The following EPB41L2 variants were observed in gnomAD, a reference collection of about 807,000 sequenced individuals.
The protein encoded by EPB41L2 is erythrocyte membrane protein band 4.1 like 2.
EPB41L2 carries 43 observed loss-of-function variants against 113.0 expected under a neutral mutation model. The observed-to-expected ratio is 0.38, with a 90% CI of 0.30 to 0.49. EPB41L2 has a LOEUF of 0.49. Among genes scored for constraint, EPB41L2 ranks in the 20% least tolerant of loss-of-function variants. EPB41L2 has a pLI of 0.95. For synonymous variants in EPB41L2, 442 were observed against 436.7 expected (o/e 1.01, Z -0.15); for missense variants, 1,147 against 1,223.4 (o/e 0.94, Z 0.93).
chr6:130,893,667 T>C (rs1793681237), intron 10 of EPB41L2, among the ~76,000 whole-genome samples: 1 of 152,234 alleles, frequency 6.6e-6, no homozygotes, highest in African/African-American at 2.4e-5. Context: ...ATGGTTGTAC[T>C]ATTTTTAAGG....
chr6:131,040,567 T>C (rs1029247761), intron 1 of EPB41L2, among the ~76,000 whole-genome samples: 1 of 152,174 alleles, frequency 6.6e-6, no homozygotes, highest in Admixed American at 6.5e-5. Context: ...CACCAATGGA[T>C]ACTAACACTA....
intron 3 of EPB41L2, among the ~76,000 whole-genome samples, chr6:130,929,941 C>T (rs556706269): frequency 1.1e-4 from 16 of 149,040 alleles, no homozygotes; most frequent in Non-Finnish European, 1.9e-4. Flanking sequence ...GGAAAGACAG[C>T]GAGAAGGCAA....
chr6:130,946,001 C>T (rs1187390657), intron 3 of EPB41L2, among the ~76,000 whole-genome samples: 1 of 152,046 alleles, frequency 6.6e-6, no homozygotes, highest in Non-Finnish European at 1.5e-5. Flanking sequence ...TTGGCACATA[C>T]CATTTAAATA....
chr6:130,940,780 A>G (rs890046490), intron 3 of EPB41L2, among the ~76,000 whole-genome samples: 2 of 152,108 alleles, frequency 1.3e-5, no homozygotes, highest in Non-Finnish European at 2.9e-5. Flanking sequence ...TAAATATATC[A>G]TTCTTTGAAA....
chr6:130,984,371 T>TA (rs1780042199), intron 1 of EPB41L2, among the ~76,000 whole-genome samples: 1 of 152,244 alleles, frequency 6.6e-6, no homozygotes. Flanking sequence ...TATTATGTAC[T>TA]GTACCTAACT....
intron 1 of EPB41L2, among the ~76,000 whole-genome samples, chr6:130,977,464 G>T (rs1006545656): frequency 6.6e-6 from 1 of 152,064 alleles, no homozygotes; most frequent in Non-Finnish European, 1.5e-5. Flanking sequence ...ATGAGAAGGG[G>T]AGACACACTG....
intron 1 of EPB41L2, among the ~76,000 whole-genome samples, chr6:131,014,368 C>T (rs1233137504): frequency 6.6e-6 from 1 of 152,098 alleles, no homozygotes; most frequent in African/African-American, 2.4e-5. Context: ...CCTTTAAAAA[C>T]CAGGAATCCC....
chr6:130,889,333 T>C (rs183367558), intron 11 of EPB41L2, among the ~76,000 whole-genome samples: 1 of 152,140 alleles, frequency 6.6e-6, no homozygotes, highest in Non-Finnish European at 1.5e-5. Context: ...AAACCTATTA[T>C]TAACCCATTT....
At chr6:131,021,662 G>C (rs1789520710) in intron 1 of EPB41L2, among the ~76,000 whole-genome samples, 2 of 150,852 alleles carry the variant, frequency 1.3e-5, no homozygotes, top group South Asian at 4.2e-4. Flanking sequence ...ATTCCGTCTG[G>C]GAAAAAAAAA....
chr6:130,915,440 GA>G (rs1480970119), intron 4 of EPB41L2, among the ~76,000 whole-genome samples: 2 of 152,082 alleles, frequency 1.3e-5, no homozygotes, highest in African/African-American at 4.8e-5. Context: ...TGTCAATTAG[GA>G]ACATAGCAGA....
chr6:130,980,460 A>G (rs886104589), intron 1 of EPB41L2, among the ~76,000 whole-genome samples: 1 of 152,094 alleles, frequency 6.6e-6, no homozygotes, highest in African/African-American at 2.4e-5. Flanking sequence ...TTTAACCTTC[A>G]ATAGCAGGAG....
chr6:130,992,752 TC>T (rs1264320890), intron 1 of EPB41L2, among the ~76,000 whole-genome samples: 1 of 151,962 alleles, frequency 6.6e-6, no homozygotes, highest in Non-Finnish European at 1.5e-5. Flanking sequence ...TGCCTCAGCC[TC>T]CCAAGCAGCT....
chr6:130,913,919 G>T (rs377060824), intron 4 of EPB41L2, among the ~76,000 whole-genome samples: 2 of 152,158 alleles, frequency 1.3e-5, no homozygotes, highest in Non-Finnish European at 2.9e-5. Flanking sequence ...TGAGAAAAAT[G>T]CATGAGGGTG....
At position 130,880,245 on chromosome 6, in the gene EPB41L2, TA is replaced by T. The variant is rs745537657; in HGVS notation, c.1834-40del. 3.5e-6 allele frequency: 5 copies of T among 1,432,664 alleles called. No homozygotes were observed. The African/African-American group carries it at 4.2e-5, about 12-fold the overall frequency. 88.7% of individuals were successfully genotyped at this position (1,432,664 alleles called of 1,614,324 possible). On this transcript the variant is annotated intron_variant, in intron 12 of 19. Coordinates refer to ENST00000337057, the MANE Select transcript of EPB41L2 (RefSeq NM_001431.4). Reference sequence around the variant, plus strand: ...TCACACACAGGGGGGAAAAGGCAAATAAACATAAGTGTATCAATCAGCAAGC... The same window carrying T: ...TCACACACAGGGGGGAAAAGGCAAATAACATAAGTGTATCAATCAGCAAGC...
intron 1 of EPB41L2, among the ~76,000 whole-genome samples, chr6:130,988,038 C>G (rs1324125798): frequency 6.6e-6 from 1 of 151,956 alleles, no homozygotes; most frequent in Non-Finnish European, 1.5e-5. Context: ...GTTGCTTGCA[C>G]CCAGGAGGTG....
intron 11 of EPB41L2, among the ~76,000 whole-genome samples, chr6:130,887,912 C>T (rs1270222128): frequency 2.0e-5 from 3 of 152,076 alleles, no homozygotes; most frequent in South Asian, 2.1e-4. Flanking sequence ...TTTCTAATCT[C>T]GGAGGGGACT....
At chr6:130,845,019 C>A (rs995595787) in intron 19 of EPB41L2, among the ~76,000 whole-genome samples, 1 of 152,214 alleles carries the variant, frequency 6.6e-6, no homozygotes, top group African/African-American at 2.4e-5. Context: ...TCCAGCCTGG[C>A]TGCCAGAACG....
intron 3 of EPB41L2, among the ~76,000 whole-genome samples, chr6:130,934,147 G>A (rs188474720): frequency 1.8e-4 from 28 of 152,270 alleles, no homozygotes; most frequent in African/African-American, 6.0e-4. Context: ...AAGAGAGAGT[G>A]TCTCAAATCC....
chr6:130,849,616 C>A (rs1282821603), intron 19 of EPB41L2, among the ~76,000 whole-genome samples: 1 of 152,072 alleles, frequency 6.6e-6, no homozygotes, highest in East Asian at 1.9e-4. Context: ...AAAATAGACA[C>A]CTGAATAGGA....
Sources: gnomAD v4.1 joint callset for allele counts (sites outside exome capture counted in the v4.1 genomes callset) on GRCh38, gnomAD v4.1.1 for gene constraint, MANE v1.5 for transcripts, NCBI Gene and HGNC (gene_info 2026-07-23, HGNC 2026-07-21) for gene names.